Variants in MICAL3 observed in about 807,000 individuals in gnomAD.
The protein encoded by MICAL3 is microtubule associated monooxygenase, calponin and LIM domain containing 3.
Under a neutral mutation model 207.4 loss-of-function variants are expected in MICAL3, and 62 were observed. That is an observed-to-expected ratio of 0.30 (90% confidence interval 0.24 to 0.37). The LOEUF (loss-of-function observed/expected upper bound fraction) is 0.37, where lower values mean the gene tolerates loss of function less well. Ranked by LOEUF, MICAL3 falls within the 10% of genes least tolerant of loss-of-function variation. The pLI is 1.00. For synonymous variants in MICAL3, 1,077 were observed against 1,069.3 expected (o/e 1.01, Z -0.14); for missense variants, 2,368 against 2,635.6 (o/e 0.90, Z 2.22).
chr22:17,949,517 G>A lies in MICAL3; in HGVS notation c.-74-42631C>T, dbSNP rs529507929. Among the ~76,000 whole-genome samples, 5 of 152,218 alleles carry A rather than the reference G, an allele frequency of 3.3e-5. No individual in the cohort carries two copies. The South Asian group carries it at 6.2e-4, about 19-fold the overall frequency. On this transcript the variant is annotated intron_variant, in intron 1 of 31. Coordinates refer to ENST00000441493, the MANE Select transcript of MICAL3 (RefSeq NM_015241.3). Reference sequence around the variant, plus strand: ...CCAACACCTGTGCCCCTCCCCAAACGGTGCCTTACCTGGTGGATTCAAATG... The same window carrying A: ...CCAACACCTGTGCCCCTCCCCAAACAGTGCCTTACCTGGTGGATTCAAATG...
In MICAL3 at chr22:17,822,927, C is replaced by G. The variant is rs549562270; in HGVS notation, c.3307+20G>C. Reference sequence around the variant, plus strand: ...CTTCCCTGAGCTCCCACCACAGGGGCGGGGAGGGCGGACCCCTACCATCAT... The same window carrying G: ...CTTCCCTGAGCTCCCACCACAGGGGGGGGGAGGGCGGACCCCTACCATCAT... On this transcript the variant is annotated intron_variant, in intron 23 of 31. Coordinates refer to ENST00000441493, the MANE Select transcript of MICAL3 (RefSeq NM_015241.3). The G allele has an allele frequency of 1.3e-6, 2 of 1,505,818 alleles. No individual in the cohort carries two copies. Among genetic ancestry groups the G allele is most frequent in the Admixed American group, 1.7e-5 (1 of 59,118 alleles). 93.3% of individuals were successfully genotyped at this position (1,505,818 alleles called of 1,614,324 possible).
chr22:17,968,693 C>T (rs945174579), intron 1 of MICAL3, among the ~76,000 whole-genome samples: 1 of 152,034 alleles, frequency 6.6e-6, no homozygotes, highest in African/African-American at 2.4e-5. Context: ...AAAGAAAGGC[C>T]GGTTCCACAC....
chr22:17,999,180 G>A (rs937656872), intron 1 of MICAL3, among the ~76,000 whole-genome samples: 1 of 152,186 alleles, frequency 6.6e-6, no homozygotes, highest in Non-Finnish European at 1.5e-5. Context: ...TCACCTGCAG[G>A]ACTACTCGAC....
intron 19 of MICAL3, among the ~76,000 whole-genome samples, chr22:17,854,325 C>T (rs186201351): frequency 1.1e-3 from 163 of 152,248 alleles, no homozygotes; most frequent in Middle Eastern, 6.8e-3. Flanking sequence ...CAGCCCAAAA[C>T]GTCCACAGTG....
At chr22:17,876,757 AGGAGGTTAGGGAAGTTAT>A (rs1928431921) in intron 16 of MICAL3, 1 of 66,124 alleles carries the variant, frequency 1.5e-5, no homozygotes, top group Non-Finnish European at 3.3e-5. Flanking sequence ...AGGGAGGTTA[AGGAGGTTAGGGAAGTTAT>A]GGAGGTTAGG....
At chr22:17,806,995 C>T (rs529454933) in intron 29 of MICAL3, among the ~76,000 whole-genome samples, 5 of 152,320 alleles carry the variant, frequency 3.3e-5, no homozygotes, top group South Asian at 4.1e-4. Context: ...AAGTGCTTTA[C>T]GGAAACCACC....
intron 1 of MICAL3, among the ~76,000 whole-genome samples, chr22:18,023,697 C>T (rs1326039321): frequency 2.0e-5 from 3 of 152,226 alleles, no homozygotes; most frequent in Non-Finnish European, 4.4e-5. Flanking sequence ...CGGCGCAGCG[C>T]GCCCTGCAGC....
chr22:18,017,742 C>A (rs1037137259), intron 1 of MICAL3, among the ~76,000 whole-genome samples: 15 of 146,478 alleles, frequency 1.0e-4, no homozygotes, highest in African/African-American at 3.7e-4. Flanking sequence ...CCCGCCACCA[C>A]ACCCGGCTAA....
chr22:18,019,600 CAGG>C (rs1302077436), intron 1 of MICAL3: 3 of 152,120 alleles, frequency 2.0e-5, no homozygotes, highest in Admixed American at 1.3e-4. Flanking sequence ...GAGGTTGAGG[CAGG>C]AGAATTGCCT....
intron 16 of MICAL3, among the ~76,000 whole-genome samples, chr22:17,883,555 C>T (rs1929614854): frequency 6.6e-6 from 1 of 152,154 alleles, no homozygotes; most frequent in Non-Finnish European, 1.5e-5. Context: ...GGTAGCCAAC[C>T]CTGGCTCCAC....
chr22:17,903,829 T>G (rs1931515212), intron 3 of MICAL3, among the ~76,000 whole-genome samples: 1 of 152,236 alleles, frequency 6.6e-6, no homozygotes, highest in South Asian at 2.1e-4. Flanking sequence ...TGACTGTGTT[T>G]ACAGGACACA....
intron 16 of MICAL3, among the ~76,000 whole-genome samples, chr22:17,882,036 T>C (rs1012270334): frequency 5.3e-5 from 8 of 152,074 alleles, no homozygotes; most frequent in Non-Finnish European, 8.8e-5. Flanking sequence ...AGGTGACCCA[T>C]GGGGCAGCAT....
At chr22:17,857,705 C>A (rs1035808549) in intron 19 of MICAL3, among the ~76,000 whole-genome samples, 2 of 152,240 alleles carry the variant, frequency 1.3e-5, no homozygotes, top group African/African-American at 4.8e-5. Context: ...CCCAGCATGG[C>A]CCCAAGAGTC....
At chr22:17,865,068 G>A in intron 18 of MICAL3, 82 bp from the exon 19 acceptor site, 1 of 1,175,726 alleles carries the variant, frequency 8.5e-7, no homozygotes, top group East Asian at 2.8e-5. Flanking sequence ...CTGACAATCT[G>A]ACACGCTGGT....
At chr22:17,855,427 G>C (rs1178589737) in intron 19 of MICAL3, among the ~76,000 whole-genome samples, 1 of 152,160 alleles carries the variant, frequency 6.6e-6, no homozygotes, top group Non-Finnish European at 1.5e-5. Flanking sequence ...TGAGGTGGTA[G>C]AGGAAAAGCC....
Position 17,881,453 on chromosome 22 carries a change from C to G in MICAL3, c.2241+4425G>C, listed in dbSNP as rs1929425119. On this transcript the variant is annotated intron_variant, in intron 16 of 31. Coordinates refer to ENST00000441493, the MANE Select transcript of MICAL3 (RefSeq NM_015241.3). ...CATCCTCAGAGGGCAGCCCAGTGGTCTCCCGTGGGCCCCCAGGTGGGACGT... is the reference window on the plus strand; with the variant it reads ...CATCCTCAGAGGGCAGCCCAGTGGTGTCCCGTGGGCCCCCAGGTGGGACGT... The G allele has an allele frequency of 6.3e-6, 4 of 633,716 alleles. No individual in the cohort carries two copies. In the Admixed American group the frequency reaches 1.2e-4, roughly 20 times the overall value. The allele number at this position is 633,716 out of a possible 1,614,324, so 39.3% of individuals were successfully genotyped here.
intron 19 of MICAL3, chr22:17,863,618 A>G (rs1926752146): frequency 1.0e-6 from 1 of 985,434 alleles, no homozygotes; most frequent in African/African-American, 1.7e-5. Flanking sequence ...TGCTCAGATG[A>G]TAATAAGGGC....
intron 19 of MICAL3, among the ~76,000 whole-genome samples, chr22:17,857,514 G>A (rs1926067445): frequency 6.6e-6 from 1 of 152,206 alleles, no homozygotes; most frequent in African/African-American, 2.4e-5. Context: ...TTCTCCCGCA[G>A]GTGCAGGAGA....
rs959442781 is a variant in MICAL3 at position 17,889,311 on chromosome 22, C to T, written c.1695-81G>A. 7.5e-6 allele frequency: 8 copies of T among 1,059,798 alleles called. No homozygotes were observed. In the Middle Eastern group the frequency reaches 9.4e-4, roughly 125 times the overall value. The allele number at this position is 1,059,798 out of a possible 1,614,324, so 65.6% of individuals were successfully genotyped here. ...AACGCAGTATCCTGGAGTCATCGTC[C>T]TTTCTCTGTTTTCAGCTAAAATCCA... On this transcript the variant is annotated intron_variant, in intron 12 of 31. Coordinates refer to ENST00000441493, the MANE Select transcript of MICAL3 (RefSeq NM_015241.3).
Sources: gnomAD v4.1 joint callset for allele counts (sites outside exome capture counted in the v4.1 genomes callset) on GRCh38, gnomAD v4.1.1 for gene constraint, MANE v1.5 for transcripts, NCBI Gene and HGNC (gene_info 2026-07-23, HGNC 2026-07-21) for gene names.